The following CCSER1 variants were observed in gnomAD, a reference collection of about 807,000 sequenced individuals.
CCSER1 encodes the protein coiled-coil serine rich protein 1.
Under a neutral mutation model 82.0 loss-of-function variants are expected in CCSER1, and 41 were observed. The observed-to-expected ratio is 0.50, with a 90% CI of 0.39 to 0.65. The LOEUF is 0.65. Ranked by LOEUF, CCSER1 falls within the 30% of genes least tolerant of loss-of-function variation. CCSER1 has a pLI of 0.00. For missense variants in CCSER1, 1,119 were observed against 1,064.2 expected (o/e 1.05, Z -0.72); for synonymous variants, 414 against 383.9 (o/e 1.08, Z -0.92).
chr4:91,123,906 T>C (rs1727292803), intron 10 of CCSER1, among the ~76,000 whole-genome samples: 1 of 151,804 alleles, frequency 6.6e-6, no homozygotes, highest in African/African-American at 2.4e-5. Flanking sequence ...AACCTAGTAC[T>C]AGTCTGCTGG....
At chr4:90,939,608 G>T (rs1661387312) in intron 9 of CCSER1, among the ~76,000 whole-genome samples, 1 of 152,158 alleles carries the variant, frequency 6.6e-6, no homozygotes, top group African/African-American at 2.4e-5. Flanking sequence ...CCAAGAAGAA[G>T]AAAGCAGGTT....
At chr4:90,663,929 T>C (rs1266304472) in intron 6 of CCSER1, 1 of 297,776 alleles carries the variant, frequency 3.4e-6, no homozygotes, top group Non-Finnish European at 7.3e-6. Flanking sequence ...AGCTAATGCT[T>C]AAGAATGTAA....
chr4:91,377,172 C>T (rs953698096), intron 10 of CCSER1, among the ~76,000 whole-genome samples: 1 of 152,062 alleles, frequency 6.6e-6, no homozygotes, highest in Admixed American at 6.6e-5. Flanking sequence ...GGGTTGGTTC[C>T]AAGTCTTTGC....
chr4:90,474,393 C>T (rs1321024574), intron 5 of CCSER1, among the ~76,000 whole-genome samples: 1 of 152,040 alleles, frequency 6.6e-6, no homozygotes, highest in Admixed American at 6.6e-5. Context: ...AAAAGGAAGC[C>T]AAATCATGTT....
chr4:90,589,815 T>G (rs149981701), intron 5 of CCSER1, among the ~76,000 whole-genome samples: 1 of 152,210 alleles, frequency 6.6e-6, no homozygotes. Context: ...ACTAGAAACT[T>G]TCTATTAAAA....
At chr4:91,548,774 C>G (rs533960607) in intron 10 of CCSER1, among the ~76,000 whole-genome samples, 4 of 151,916 alleles carry the variant, frequency 2.6e-5, no homozygotes, top group African/African-American at 9.7e-5. Context: ...CACACCATCC[C>G]CCTGGCTTCT....
chr4:91,531,870 T>C (rs1298665071), intron 10 of CCSER1, among the ~76,000 whole-genome samples: 1 of 152,132 alleles, frequency 6.6e-6, no homozygotes, highest in Non-Finnish European at 1.5e-5. Flanking sequence ...TACTATTGCA[T>C]TTGGATAACT....
At chr4:91,020,390 C>T (rs1000385522) in intron 9 of CCSER1, among the ~76,000 whole-genome samples, 11 of 152,142 alleles carry the variant, frequency 7.2e-5, no homozygotes, top group South Asian at 6.2e-4. Context: ...TGGCCGGGTG[C>T]GGTGGCTCAC....
At chr4:90,628,900 G>A (rs956309054) in intron 6 of CCSER1, among the ~76,000 whole-genome samples, 1 of 152,134 alleles carries the variant, frequency 6.6e-6, no homozygotes. Flanking sequence ...TCTATACAAA[G>A]TATACCCGTG....
At chr4:91,365,805 G>T (rs1408156895) in intron 10 of CCSER1, among the ~76,000 whole-genome samples, 3 of 152,152 alleles carry the variant, frequency 2.0e-5, no homozygotes, top group Admixed American at 2.0e-4. Flanking sequence ...AATAAAGGGA[G>T]TTAATGTTTT....
chr4:90,448,077 T>A (rs969454104), intron 4 of CCSER1, among the ~76,000 whole-genome samples: 1 of 152,280 alleles, frequency 6.6e-6, no homozygotes, highest in East Asian at 1.9e-4. Context: ...ATTGCTTATG[T>A]GAAATACTTT....
chr4:91,355,501 A>G (rs1037164296), intron 10 of CCSER1, among the ~76,000 whole-genome samples: 3 of 152,156 alleles, frequency 2.0e-5, no homozygotes, highest in Admixed American at 6.5e-5. Context: ...TTTCTTTTAG[A>G]GTCCTGGTAC....
chr4:91,309,505 T>A (rs964825851), intron 10 of CCSER1, among the ~76,000 whole-genome samples: 4 of 152,040 alleles, frequency 2.6e-5, no homozygotes, highest in African/African-American at 9.7e-5. Flanking sequence ...CTTATCAAAA[T>A]TTAATGACCC....
intron 9 of CCSER1, among the ~76,000 whole-genome samples, chr4:91,004,655 C>T (rs934708613): frequency 3.3e-5 from 5 of 152,130 alleles, no homozygotes; most frequent in African/African-American, 1.2e-4. Flanking sequence ...CCACAGGTAT[C>T]AGACAAATAT....
chr4:90,592,240 T>A (rs1036927548), intron 5 of CCSER1, among the ~76,000 whole-genome samples: 1 of 152,170 alleles, frequency 6.6e-6, no homozygotes, highest in Admixed American at 6.6e-5. Flanking sequence ...AAGAAAACAC[T>A]GATTTTTAAC....
intron 1 of CCSER1, among the ~76,000 whole-genome samples, chr4:90,156,147 G>A (rs1254342657): frequency 6.6e-6 from 1 of 152,188 alleles, no homozygotes; most frequent in African/African-American, 2.4e-5. Context: ...AGTCATTCAG[G>A]AGCAGGTTGT....
intron 5 of CCSER1, among the ~76,000 whole-genome samples, chr4:90,626,403 G>A (rs768747247): frequency 6.6e-6 from 1 of 151,906 alleles, no homozygotes; most frequent in African/African-American, 2.4e-5. Context: ...ATTCTTATTG[G>A]TCTTAGAGAA....
At chr4:91,413,911 A>T (rs939471892) in intron 10 of CCSER1, among the ~76,000 whole-genome samples, 2 of 152,106 alleles carry the variant, frequency 1.3e-5, no homozygotes, top group African/African-American at 4.8e-5. Context: ...GAAAGAAAAA[A>T]AAACTATCAA....
intron 6 of CCSER1, among the ~76,000 whole-genome samples, chr4:90,703,938 C>T (rs1242725332): frequency 6.6e-6 from 1 of 152,150 alleles, no homozygotes; most frequent in Non-Finnish European, 1.5e-5. Flanking sequence ...ATTTGCCATT[C>T]TGTGTCTTTC....
Sources: allele counts gnomAD v4.1 joint callset (sites outside exome capture counted in the v4.1 genomes callset), GRCh38; gene constraint gnomAD v4.1.1; transcripts MANE v1.5; gene names NCBI Gene and HGNC (gene_info 2026-07-23, HGNC 2026-07-21).